Variants in POMGNT1 observed in about 807,000 individuals in gnomAD.
POMGNT1 encodes protein O-linked mannose N-acetylglucosaminyltransferase 1 (beta 1,2-), also known as protein O-linked-mannose beta-1,2-N-acetylglucosaminyltransferase 1.
A neutral mutation model predicts 95.6 loss-of-function variants in POMGNT1; 67 were observed. That is an observed-to-expected ratio of 0.70 (90% CI 0.58 to 0.86). The LOEUF is 0.86. Ranked by LOEUF, POMGNT1 falls within the 40% of genes least tolerant of loss-of-function variation. The pLI is 0.00. For synonymous variants in POMGNT1, 298 were observed against 317.9 expected (o/e 0.94, Z 0.66); for missense variants, 719 against 855.2 (o/e 0.84, Z 1.99).
chr1:46,215,180 C>T (rs932143593), intron 1 of POMGNT1, among the ~76,000 whole-genome samples: 1 of 145,774 alleles, frequency 6.9e-6, no homozygotes, highest in East Asian at 2.0e-4. Flanking sequence ...AAGCCAAGAT[C>T]GCACCATTGC....
chr1:46,194,950 G>A lies in POMGNT1; in HGVS notation c.546C>T (p.Ser182=). Residue 182 remains serine, a synonymous_variant, in exon 7 of 22, where the codon TCC becomes TCT. Coordinates refer to ENST00000371984, the MANE Select transcript of POMGNT1 (RefSeq NM_017739.4). Reference sequence around the variant, plus strand: ...CCTTGGCTGTGTCCTTGAGGTGGAAGGAGCCCTCATCCTGGGGGACCAGAG... The same window carrying A: ...CCTTGGCTGTGTCCTTGAGGTGGAAAGAGCCCTCATCCTGGGGGACCAGAG... The part of the protein sequence containing the change: ...VLICTVKDEG[S]FHLKDTAKAL... 2 of 1,614,118 alleles carry A rather than the reference G, an allele frequency of 1.2e-6. No homozygotes were observed. The highest frequency in any genetic ancestry group is 1.7e-6 in the Non-Finnish European group (2 of 1,180,046).
At chr1:46,218,881 G>C (rs1158651596) in intron 1 of POMGNT1, among the ~76,000 whole-genome samples, 3 of 151,974 alleles carry the variant, frequency 2.0e-5, no homozygotes, top group Non-Finnish European at 4.4e-5. Flanking sequence ...TAGGGAACCA[G>C]GTTAGCTCTC....
Position 46,196,700 on chromosome 1 carries a change from G to C in POMGNT1, c.354+31C>G. On this transcript the variant is annotated intron_variant, in intron 4 of 21. Transcript: ENST00000371984. This position sits in a 1 kb window ranked among gnomAD's most constrained non-coding sequence, Gnocchi z 4.4. The stretch of plus-strand genomic sequence containing the variant: ...TGGACCATGCCCTGAGCAGAATAGA[G>C]TGACTGTACACCAGACCCTGGCCCA... 1 of 1,613,944 alleles carries C rather than the reference G, an allele frequency of 6.2e-7. No homozygotes were observed. Among genetic ancestry groups the C allele is most frequent in the Non-Finnish European group, 8.5e-7 (1 of 1,180,034 alleles).
At chr1:46,193,492 C>A in intron 11 of POMGNT1, 72 bp downstream of exon 11, 1 of 1,613,020 alleles carries the variant, frequency 6.2e-7, no homozygotes, top group South Asian at 1.1e-5. Context: ...GGCGGTCTCC[C>A]TTGCCCGTCC....
chr1:46,199,334 A>C (rs1658467342), upstream of POMGNT1, among the ~76,000 whole-genome samples: 1 of 152,258 alleles, frequency 6.6e-6, no homozygotes. Flanking sequence ...GCCTAGCTCC[A>C]GATTCTGCTC....
In POMGNT1 at chr1:46,192,303, G is replaced by A; in HGVS notation, c.1413+5C>T. On this transcript the variant is annotated splice_donor_5th_base_variant and intron_variant, in intron 16 of 21. Transcript: ENST00000371984. ...CCAGCCCCCTCACCCTACCCTGACAGTTACCTTTTCCGGTGTAGGCCACTT... is the reference window on the plus strand; with the variant it reads ...CCAGCCCCCTCACCCTACCCTGACAATTACCTTTTCCGGTGTAGGCCACTT... 6.2e-7 allele frequency: 1 copy of A among 1,614,170 alleles called. No individual in the cohort carries two copies. The highest frequency in any genetic ancestry group is 8.5e-7 in the Non-Finnish European group (1 of 1,180,026).
At chr1:46,209,367 G>A (rs1001199591) in intron 1 of POMGNT1, among the ~76,000 whole-genome samples, 1 of 152,004 alleles carries the variant, frequency 6.6e-6, no homozygotes, top group Non-Finnish European at 1.5e-5. Context: ...CTTAGGGGTT[G>A]GAAGCACCAG....
At chr1:46,208,366 A>G (rs955975315) in intron 1 of POMGNT1, among the ~76,000 whole-genome samples, 12 of 152,186 alleles carry the variant, frequency 7.9e-5, no homozygotes, top group African/African-American at 2.9e-4. Flanking sequence ...TGAAGGTAAG[A>G]AATGATGCCT....
chr1:46,196,199 C>T lies in POMGNT1; in HGVS notation c.355-122G>A. On this transcript the variant is annotated intron_variant, in intron 4 of 21. Coordinates refer to ENST00000371984, the MANE Select transcript of POMGNT1 (RefSeq NM_017739.4). This position sits in a 1 kb window ranked among gnomAD's most constrained non-coding sequence, Gnocchi z 4.4. ...CCTCCTGCCTATGTTTCTGTTCACA[C>T]AGTTCTTTTCCAACTCAGCTCGAAG... The T allele has an allele frequency of 6.4e-7, 1 of 1,555,392 alleles. No individual in the cohort carries two copies.
intron 1 of POMGNT1, among the ~76,000 whole-genome samples, chr1:46,209,765 C>T (rs1658836657): frequency 1.3e-5 from 2 of 151,978 alleles, no homozygotes; most frequent in Non-Finnish European, 2.9e-5. Flanking sequence ...CTTGCCTCAG[C>T]CTCCCAAAGT....
At chr1:46,205,722 G>A (rs1658690493) in intron 1 of POMGNT1, among the ~76,000 whole-genome samples, 1 of 152,206 alleles carries the variant, frequency 6.6e-6, no homozygotes, top group Non-Finnish European at 1.5e-5. Flanking sequence ...AGCCTTCTGG[G>A]GCCAGAATGA....
In POMGNT1 at chr1:46,219,962, C is replaced by T. The variant is rs773289688; in HGVS notation, c.-308G>A. On this transcript the variant is annotated 5_prime_UTR_variant, in exon 1 of 23. Transcript: ENST00000371992. Reference sequence around the variant, plus strand: ...GCTTCCTGGACACAGTGGCCCCCAGCGAGCTGGATGAACAGGGCCCACCTG... The same window carrying T: ...GCTTCCTGGACACAGTGGCCCCCAGTGAGCTGGATGAACAGGGCCCACCTG... 88 of 1,614,250 alleles carry T rather than the reference C, an allele frequency of 5.5e-5. No individual in the cohort carries two copies. The Admixed American group carries it at 7.7e-4, about 14-fold the overall frequency.
chr1:46,199,100 C>T, upstream of POMGNT1, among the ~76,000 whole-genome samples: 1 of 152,176 alleles, frequency 6.6e-6, no homozygotes, highest in Non-Finnish European at 1.5e-5. Context: ...CGCCACCACA[C>T]CCAGCTAATT....
chr1:46,190,446 C>T, intron 19 of POMGNT1, 27 bp downstream of exon 19: 1 of 1,562,540 alleles, frequency 6.4e-7, no homozygotes, highest in African/African-American at 1.4e-5. Context: ...TTGCTCCCTG[C>T]TACACCCCAA....
chr1:46,198,612 C>T (rs148971982), upstream of POMGNT1, among the ~76,000 whole-genome samples: 593 of 152,294 alleles, frequency 3.9e-3, 9 homozygotes, highest in South Asian at 0.047. Flanking sequence ...TAGGCAGCTT[C>T]GCAGCCCGGC....
intron 1 of POMGNT1, among the ~76,000 whole-genome samples, chr1:46,204,155 G>A (rs1042544456): frequency 1.8e-4 from 28 of 152,120 alleles, no homozygotes; most frequent in African/African-American, 5.3e-4. Context: ...ACATCCCCCA[G>A]CCCTACTTAA....
At chr1:46,190,097 C>CA in intron 19 of POMGNT1, 108 bp from the exon 20 acceptor site, 1 of 807,234 alleles carries the variant, frequency 1.2e-6, no homozygotes, top group Non-Finnish European at 1.8e-6. Flanking sequence ...CCTTGAAGTT[C>CA]TTTTTTTTTT....
At chr1:46,192,494 T>A in intron 15 of POMGNT1, 24 bp downstream of exon 15, 1 of 1,614,176 alleles carries the variant, frequency 6.2e-7, no homozygotes, top group Non-Finnish European at 8.5e-7. Context: ...ACTCGCCTGC[T>A]AAACCCTGGT....
At chr1:46,193,957 T>C in intron 9 of POMGNT1, 32 bp from the exon 10 acceptor site, 10 of 1,612,480 alleles carry the variant, frequency 6.2e-6, no homozygotes, top group Non-Finnish European at 7.6e-6. Flanking sequence ...GCTCTTGCCT[T>C]ATTCCCCCTT....
Sources: gnomAD v4.1 joint callset for allele counts (sites outside exome capture counted in the v4.1 genomes callset) on GRCh38, gnomAD v4.1.1 for gene constraint, Gnocchi (gnomAD v3.1) non-coding constraint, MANE v1.5 for transcripts, NCBI Gene and HGNC (gene_info 2026-07-23, HGNC 2026-07-21) for gene names.